The following GALNT13 variants were observed in gnomAD, a reference collection of about 807,000 sequenced individuals.
GALNT13 encodes the protein UDP-GalNAc:polypeptide N-acetylgalactosaminyltransferase 13.
Under a neutral mutation model 64.2 loss-of-function variants are expected in GALNT13, and 28 were observed. The observed-to-expected ratio is 0.44, with a 90% CI of 0.32 to 0.60. GALNT13 has a LOEUF of 0.60. Ranked by LOEUF, GALNT13 falls within the 20% of genes least tolerant of loss-of-function variation. The pLI is 0.05. For missense variants in GALNT13, 577 were observed against 669.8 expected (o/e 0.86, Z 1.53); for synonymous variants, 214 against 224.6 (o/e 0.95, Z 0.42).
chr2:153,597,786 A>G, the GALNT13 span, among the ~76,000 whole-genome samples: 2 of 152,080 alleles, frequency 1.3e-5, no homozygotes, highest in African/African-American at 4.8e-5. Context: ...AGACAACCCA[A>G]TTTCAAAATG....
At chr2:153,393,893 A>G in the GALNT13 span, among the ~76,000 whole-genome samples, 1 of 151,692 alleles carries the variant, frequency 6.6e-6, no homozygotes, top group South Asian at 2.1e-4. Context: ...ACCACCCTCT[A>G]TAATCATGAG....
At chr2:153,426,896 CTT>C in the GALNT13 span, among the ~76,000 whole-genome samples, 33 of 151,940 alleles carry the variant, frequency 2.2e-4, no homozygotes, top group East Asian at 5.0e-3. Flanking sequence ...ATAGCAAACA[CTT>C]TGAATAAATC....
intron 9 of GALNT13, among the ~76,000 whole-genome samples, chr2:154,386,566 C>A (rs904970762): frequency 6.6e-6 from 1 of 151,994 alleles, no homozygotes; most frequent in African/African-American, 2.4e-5. Flanking sequence ...TTCTGTGGGA[C>A]AATTGGACCA....
intron 9 of GALNT13, among the ~76,000 whole-genome samples, chr2:154,370,016 T>C (rs1697592193): frequency 6.6e-6 from 1 of 152,184 alleles, no homozygotes; most frequent in South Asian, 2.1e-4. Flanking sequence ...TTAGAAATGA[T>C]GTGGCCATGA....
At chr2:153,329,154 A>G in the GALNT13 span, among the ~76,000 whole-genome samples, 6 of 151,966 alleles carry the variant, frequency 3.9e-5, no homozygotes, top group African/African-American at 7.2e-5. Context: ...ACCAGTCCCA[A>G]TGAGATGAAC....
chr2:153,693,070 A>G, the GALNT13 span, among the ~76,000 whole-genome samples: 1 of 152,184 alleles, frequency 6.6e-6, no homozygotes, highest in Non-Finnish European at 1.5e-5. Context: ...TCTACAATAC[A>G]TTTCATATTT....
chr2:153,797,633 C>T, the GALNT13 span, among the ~76,000 whole-genome samples: 69 of 152,210 alleles, frequency 4.5e-4, no homozygotes, highest in African/African-American at 1.5e-3. Flanking sequence ...CTTTTGGTAA[C>T]GGGAAGTGTG....
chr2:153,678,958 G>C, the GALNT13 span, among the ~76,000 whole-genome samples: 3 of 152,134 alleles, frequency 2.0e-5, no homozygotes, highest in South Asian at 2.1e-4. Flanking sequence ...TGAAGAAGCA[G>C]TCATCTCTTT....
chr2:153,103,766 T>C, the GALNT13 span, among the ~76,000 whole-genome samples: 4 of 152,228 alleles, frequency 2.6e-5, no homozygotes, highest in South Asian at 2.1e-4. Flanking sequence ...CTGTGCCTTA[T>C]TCATGACTGC....
At chr2:153,461,462 G>A in the GALNT13 span, among the ~76,000 whole-genome samples, 2 of 152,038 alleles carry the variant, frequency 1.3e-5, no homozygotes, top group South Asian at 4.1e-4. Flanking sequence ...TTAAGCCCAG[G>A]GTAGGGTAAT....
chr2:154,038,738 G>A (rs892652701), intron 3 of GALNT13, among the ~76,000 whole-genome samples: 3 of 152,020 alleles, frequency 2.0e-5, no homozygotes, highest in African/African-American at 4.8e-5. Context: ...GAAAGCATAG[G>A]CATCAAAACA....
At chr2:153,931,066 AGT>A (rs59409947) in intron 2 of GALNT13, among the ~76,000 whole-genome samples, 38,500 of 137,938 alleles carry the variant, frequency 0.28, 5,815 homozygotes, top group Middle Eastern at 0.47. Context: ...TGTATTCCTA[AGT>A]GTGTGTGTGT....
chr2:153,953,863 A>G (rs999180095), intron 3 of GALNT13, among the ~76,000 whole-genome samples: 51 of 152,120 alleles, frequency 3.4e-4, no homozygotes, highest in African/African-American at 1.2e-3. Context: ...GGGGAAATCA[A>G]AATGAGTGGA....
intron 4 of GALNT13, among the ~76,000 whole-genome samples, chr2:154,205,662 A>C (rs1015209951): frequency 3.3e-5 from 5 of 152,154 alleles, no homozygotes; most frequent in African/African-American, 1.2e-4. Flanking sequence ...GGCAAGGAGG[A>C]GCAAGTCACA....
At chr2:153,850,625 A>G in the GALNT13 span, among the ~76,000 whole-genome samples, 1 of 152,242 alleles carries the variant, frequency 6.6e-6, no homozygotes, top group Admixed American at 6.5e-5. Context: ...GTTAGTAAAC[A>G]TGGACATTAA....
intron 4 of GALNT13, among the ~76,000 whole-genome samples, chr2:154,220,554 A>G (rs750254205): frequency 2.4e-4 from 36 of 151,968 alleles, no homozygotes; most frequent in Non-Finnish European, 5.0e-4. Context: ...ATGCATACAC[A>G]CATATTTCTG....
At chr2:153,115,149 G>A in the GALNT13 span, among the ~76,000 whole-genome samples, 3 of 151,962 alleles carry the variant, frequency 2.0e-5, no homozygotes, top group African/African-American at 7.3e-5. Context: ...TCTCCAAATA[G>A]CTTTTCAAAC....
At chr2:153,635,415 T>C in the GALNT13 span, among the ~76,000 whole-genome samples, 27 of 122,648 alleles carry the variant, frequency 2.2e-4, 1 homozygote, top group South Asian at 1.3e-3. Context: ...TATATATATA[T>C]ACACATATAT....
chr2:153,626,139 A>G, the GALNT13 span, among the ~76,000 whole-genome samples: 2 of 152,132 alleles, frequency 1.3e-5, no homozygotes, highest in Non-Finnish European at 1.5e-5. Context: ...TAACTTTCAC[A>G]TAAACCATTG....
Sources: gnomAD v4.1 joint callset for allele counts (sites outside exome capture counted in the v4.1 genomes callset) on GRCh38, gnomAD v4.1.1 for gene constraint, MANE v1.5 for transcripts, NCBI Gene and HGNC (gene_info 2026-07-23, HGNC 2026-07-21) for gene names.